The following ATAD2 variants were observed in gnomAD, a reference collection of about 807,000 sequenced individuals.
ATAD2 encodes the protein ATPase family AAA domain containing 2, also known as ATPase family AAA domain-containing protein 2.
Under a neutral mutation model 168.9 loss-of-function variants are expected in ATAD2, and 62 were observed. That is an observed-to-expected ratio of 0.37 (90% CI 0.30 to 0.45). The LOEUF is 0.45. Among genes scored for constraint, ATAD2 ranks in the 20% least tolerant of loss-of-function variants. The probability of loss-of-function intolerance (pLI) is 1.00; values close to 1 mark genes in which losing one functional copy is unlikely to be tolerated. For synonymous variants in ATAD2, 613 were observed against 571.6 expected (o/e 1.07, Z -1.03); for missense variants, 1,419 against 1,667.8 (o/e 0.85, Z 2.60).
upstream of ATAD2, chr8:123,401,356 C>T: frequency 7.1e-7 from 1 of 1,405,958 alleles, no homozygotes; most frequent in East Asian, 2.3e-5. Flanking sequence ...CCGCCTGGAC[C>T]TGCTCACCCA....
intron 14 of ATAD2, among the ~76,000 whole-genome samples, chr8:123,348,546 A>ACAT (rs1171598832): frequency 6.6e-6 from 1 of 152,120 alleles, no homozygotes; most frequent in African/African-American, 2.4e-5. Flanking sequence ...GCGTGGTAGC[A>ACAT]TGTGCCTGTA....
rs552969362 is a variant in ATAD2 at position 123,340,177 on chromosome 8, A to G, written c.2719-731T>C. On this transcript the variant is annotated intron_variant, in intron 19 of 27. Transcript: ENST00000287394. Reference sequence around the variant, plus strand: ...AGTGCTACAATTACACGCATATGCCACCGTGCCTGGTCCTGATACTTAAAA... The same window carrying G: ...AGTGCTACAATTACACGCATATGCCGCCGTGCCTGGTCCTGATACTTAAAA... 3.1e-4 allele frequency among the ~76,000 whole-genome samples: 47 copies of G among 152,298 alleles called. No individual in the cohort carries two copies. In the South Asian group the frequency reaches 5.2e-3, roughly 17 times the overall value.
chr8:123,358,650 T>C (rs1276139018), intron 11 of ATAD2, among the ~76,000 whole-genome samples: 1 of 149,778 alleles, frequency 6.7e-6, no homozygotes, highest in Non-Finnish European at 1.5e-5. Context: ...CTGGCCACTT[T>C]CTAATTTTTT....
intron 12 of ATAD2, among the ~76,000 whole-genome samples, chr8:123,357,211 G>T (rs1324938030): frequency 1.3e-5 from 2 of 152,120 alleles, no homozygotes; most frequent in Non-Finnish European, 1.5e-5. Flanking sequence ...TACAATCTGG[G>T]ATATGAAAAT....
chr8:123,381,098 A>C (rs1829481663), intron 1 of ATAD2, among the ~76,000 whole-genome samples: 1 of 152,212 alleles, frequency 6.6e-6, no homozygotes, highest in South Asian at 2.1e-4. Context: ...GCAACCTCAA[A>C]ATAACTGGTC....
At chr8:123,342,331 A>C (rs1405069942) in intron 19 of ATAD2, 1 of 152,228 alleles carries the variant, frequency 6.6e-6, no homozygotes, top group Non-Finnish European at 1.5e-5. Flanking sequence ...TCAAATATAC[A>C]AAGACTTGTC....
At chr8:123,336,941 A>C (rs1277890223) in intron 21 of ATAD2, among the ~76,000 whole-genome samples, 1 of 151,302 alleles carries the variant, frequency 6.6e-6, no homozygotes, top group Non-Finnish European at 1.5e-5. Flanking sequence ...CAAGAGTTTG[A>C]GACTAGGCTG....
chr8:123,326,287 A>G (rs887431891), intron 25 of ATAD2, among the ~76,000 whole-genome samples: 8 of 152,176 alleles, frequency 5.3e-5, no homozygotes, highest in African/African-American at 1.9e-4. Context: ...CTTGAGCACA[A>G]GACACACAGA....
intron 18 of ATAD2, 89 bp downstream of exon 18, chr8:123,345,997 C>CA (rs1216831724): frequency 6.4e-6 from 7 of 1,097,464 alleles, no homozygotes; most frequent in South Asian, 2.2e-5. Context: ...ATCAGAAAGA[C>CA]AAAAAAACAC....
At chr8:123,374,892 CAAGT>C (rs370104169) in intron 2 of ATAD2, among the ~76,000 whole-genome samples, 146 of 152,272 alleles carry the variant, frequency 9.6e-4, no homozygotes, top group Non-Finnish European at 1.8e-3. Flanking sequence ...ACCCCAGGAT[CAAGT>C]AAGTAAGTAT....
At chr8:123,335,207 G>A (rs1436688332) in intron 22 of ATAD2, among the ~76,000 whole-genome samples, 2 of 152,184 alleles carry the variant, frequency 1.3e-5, no homozygotes, top group Non-Finnish European at 2.9e-5. Flanking sequence ...GGGAGCAGCA[G>A]CAACAGCATG....
At chr8:123,416,279 C>T (rs1813275847) in exon 1 of ATAD2, 1 of 153,086 alleles carries the variant, frequency 6.5e-6, no homozygotes, top group South Asian at 1.9e-4. Context: ...AGCTCAGCCC[C>T]TGGTTGGAAG....
chr8:123,359,264 G>C lies in ATAD2; in HGVS notation c.1339C>G (p.Leu447Val). The C allele has an allele frequency of 3.7e-6, 6 of 1,611,562 alleles. No homozygotes were observed. The highest frequency in any genetic ancestry group is 5.1e-6 in the Non-Finnish European group (6 of 1,178,984). ...ALKEMVVFPL[L>V]YPEVFEKFKI... The stretch of plus-strand genomic sequence containing the variant: ...AATTTTTCAAAGACTTCTGGATAAA[G>C]TAATGGAAACACCACCATCTCTTTT... The change falls in exon 11 of 28, where the codon CTT becomes GTT. Residue 447 changes from leucine to valine, a missense_variant. Leu to Val is a conservative substitution (Grantham distance 32). This residue lies in a region of ATAD2 where 146 missense variants were observed against 188.3 expected (regional missense o/e 0.78). Transcript: ENST00000287394.
intron 1 of ATAD2, among the ~76,000 whole-genome samples, chr8:123,390,999 G>A (rs1206963368): frequency 1.3e-5 from 2 of 151,356 alleles, no homozygotes; most frequent in East Asian, 1.9e-4. Context: ...TAGCCTGGGC[G>A]ACAAAAGCAA....
chr8:123,387,294 G>T (rs1157391605), intron 1 of ATAD2, among the ~76,000 whole-genome samples: 1 of 152,036 alleles, frequency 6.6e-6, no homozygotes, highest in Non-Finnish European at 1.5e-5. Context: ...ATTGCTGAAT[G>T]TATTATATTT....
At chr8:123,347,578 G>C (rs889713356) in intron 15 of ATAD2, among the ~76,000 whole-genome samples, 172 bp from the exon 16 acceptor site, 1 of 152,148 alleles carries the variant, frequency 6.6e-6, no homozygotes, top group South Asian at 2.1e-4. Context: ...AAACTTATAG[G>C]GTAGTAATGG....
intron 13 of ATAD2, among the ~76,000 whole-genome samples, chr8:123,353,031 C>T (rs1828521575): frequency 6.6e-6 from 1 of 152,040 alleles, no homozygotes; most frequent in Non-Finnish European, 1.5e-5. Context: ...CATGCTACTG[C>T]ACTCCAGCCT....
chr8:123,357,539 T>C lies in ATAD2; in HGVS notation c.1557+23A>G, dbSNP rs1828688536. On this transcript the variant is annotated intron_variant, in intron 12 of 27. Transcript: ENST00000287394. The stretch of plus-strand genomic sequence containing the variant: ...TGCCTAGATTACAGAACTATCCAGA[T>C]ATATAAAATGTTAATATCATACCTG... The C allele has an allele frequency of 3.8e-6, 6 of 1,594,366 alleles. No individual in the cohort carries two copies. The Admixed American group carries it at 5.3e-5, about 14-fold the overall frequency.
chr8:123,402,425 CCTCCTGGCTT>C lies in ATAD2; in HGVS notation c.-2281-1260_-2281-1251del, dbSNP rs969360438. ...GCCCCCACCCCAGGGGCAGGCAGCC[CCTCCTGGCTT>C]CTCCTGTAGGGCACTTCCCTGCCCC... On this transcript the variant is annotated intron_variant, in intron 1 of 28. Transcript: ENST00000521903. This position sits in a 1 kb window ranked among gnomAD's most constrained non-coding sequence, Gnocchi z 4.8. 5.3e-5 allele frequency among the ~76,000 whole-genome samples: 8 copies of C among 152,108 alleles called. No individual in the cohort carries two copies. The highest frequency in any genetic ancestry group is 2.6e-4 in the Admixed American group (4 of 15,282).
Sources: allele counts gnomAD v4.1 joint callset (sites outside exome capture counted in the v4.1 genomes callset), GRCh38; gene constraint gnomAD v4.1.1; regional missense constraint gnomAD v4.1.1; non-coding constraint Gnocchi (gnomAD v3.1); transcripts MANE v1.5; gene names NCBI Gene and HGNC (gene_info 2026-07-23, HGNC 2026-07-21).